MEIKIN: variants seen among roughly 807,000 people sequenced by gnomAD.
MEIKIN encodes the protein meiosis-specific kinetochore protein.
At chr5:131,828,460 G>A (rs1258805439) in intron 11 of MEIKIN, among the ~76,000 whole-genome samples, 1 of 152,026 alleles carries the variant, frequency 6.6e-6, no homozygotes, top group Non-Finnish European at 1.5e-5. Context: ...CACTGTGCCT[G>A]GCCTAATATA....
intron 11 of MEIKIN, among the ~76,000 whole-genome samples, chr5:131,819,337 C>A (rs1477994973): frequency 6.6e-6 from 1 of 150,972 alleles, no homozygotes; most frequent in Non-Finnish European, 1.5e-5. Flanking sequence ...CACGGTGGCT[C>A]ACGCCTGTAA....
chr5:131,935,411 G>A (rs1211517350), intron 4 of MEIKIN, among the ~76,000 whole-genome samples: 1 of 151,982 alleles, frequency 6.6e-6, no homozygotes, highest in East Asian at 1.9e-4. Context: ...CAGTCTTAAA[G>A]TCATTCCTAT....
intron 9 of MEIKIN, among the ~76,000 whole-genome samples, chr5:131,872,522 T>C (rs1274045976): frequency 1.3e-5 from 2 of 152,198 alleles, no homozygotes; most frequent in Non-Finnish European, 2.9e-5. Flanking sequence ...CAACATCTGA[T>C]TGGTGTACCT....
chr5:131,911,006 T>A lies in MEIKIN; in HGVS notation c.703+809A>T, dbSNP rs989150467. Reference sequence around the variant, plus strand: ...TAGTGCTCATCTGTTATTCACACATTCCCTTATTCTTTGATCTGTAAAACA... The same window carrying A: ...TAGTGCTCATCTGTTATTCACACATACCCTTATTCTTTGATCTGTAAAACA... On this transcript the variant is annotated intron_variant, in intron 8 of 12. Transcript: ENST00000442687. 1.5e-4 allele frequency among the ~76,000 whole-genome samples: 23 copies of A among 152,182 alleles called. No homozygotes were observed. In the East Asian group the frequency reaches 4.3e-3, roughly 28 times the overall value.
intron 9 of MEIKIN, among the ~76,000 whole-genome samples, chr5:131,878,306 G>A (rs981832289): frequency 6.6e-6 from 1 of 152,162 alleles, no homozygotes; most frequent in Non-Finnish European, 1.5e-5. Flanking sequence ...GGTGGCTCAC[G>A]CCTGTAATCC....
chr5:131,852,386 G>A (rs113157206), intron 10 of MEIKIN, among the ~76,000 whole-genome samples: 4 of 152,052 alleles, frequency 2.6e-5, no homozygotes, highest in Non-Finnish European at 4.4e-5. Flanking sequence ...CCAGCCATGC[G>A]GAACTGTGAG....
chr5:131,818,905 TA>T, intron 11 of MEIKIN, 42 bp from the exon 12 acceptor site: 1 of 395,346 alleles, frequency 2.5e-6, no homozygotes, highest in Non-Finnish European at 4.5e-6. Context: ...TTCCTCCAAA[TA>T]CTACATTTGT....
intron 11 of MEIKIN, 89 bp downstream of exon 11, chr5:131,851,175 G>T: frequency 2.5e-6 from 1 of 392,452 alleles, no homozygotes; most frequent in Non-Finnish European, 4.5e-6. Context: ...CATGAGTTAA[G>T]AGATTTCTTA....
chr5:131,864,899 G>T (rs1403799004), intron 9 of MEIKIN, among the ~76,000 whole-genome samples: 1 of 152,094 alleles, frequency 6.6e-6, no homozygotes, highest in Non-Finnish European at 1.5e-5. Flanking sequence ...TGAAGGCATT[G>T]CTCATTCTTG....
intron 4 of MEIKIN, among the ~76,000 whole-genome samples, chr5:131,937,286 G>A (rs1050621594): frequency 6.6e-6 from 1 of 152,130 alleles, no homozygotes; most frequent in African/African-American, 2.4e-5. Context: ...AAGAATTCTA[G>A]GTTAGTATAT....
At chr5:131,926,010 T>C (rs1580910325) in intron 5 of MEIKIN, among the ~76,000 whole-genome samples, 1 of 152,188 alleles carries the variant, frequency 6.6e-6, no homozygotes, top group East Asian at 1.9e-4. Context: ...TCATGTCATC[T>C]GCAAAAACAG....
chr5:131,809,820 A>AAC (rs1256247021), intron 12 of MEIKIN, among the ~76,000 whole-genome samples: 1 of 31,898 alleles, frequency 3.1e-5, no homozygotes, highest in Non-Finnish European at 2.9e-4. Flanking sequence ...ACAAACGAAC[A>AAC]AAAAAAAAAA....
chr5:131,830,560 A>T (rs1220013859), intron 11 of MEIKIN, among the ~76,000 whole-genome samples: 2 of 152,284 alleles, frequency 1.3e-5, no homozygotes, highest in African/African-American at 4.8e-5. Flanking sequence ...CAAGATTCTC[A>T]TCGTCCTTTT....
chr5:131,875,897 G>A (rs1198661343), intron 9 of MEIKIN, among the ~76,000 whole-genome samples: 1 of 152,112 alleles, frequency 6.6e-6, no homozygotes, highest in African/African-American at 2.4e-5. Context: ...AATGGGGAAA[G>A]GATTCGCTAT....
At chr5:131,834,889 AATG>A (rs1453381573) in intron 11 of MEIKIN, among the ~76,000 whole-genome samples, 1 of 151,730 alleles carries the variant, frequency 6.6e-6, no homozygotes, top group Non-Finnish European at 1.5e-5. Flanking sequence ...TTTCCATAAC[AATG>A]ATACCAATTT....
At chr5:131,871,144 T>G (rs11242098) in intron 9 of MEIKIN, among the ~76,000 whole-genome samples, 96,392 of 152,106 alleles carry the variant, frequency 0.63, 32,674 homozygotes, top group Non-Finnish European at 0.77. Context: ...GTGTGCCAGA[T>G]AGTGGGTGCC....
chr5:131,932,105 T>C (rs1580913382), intron 5 of MEIKIN, among the ~76,000 whole-genome samples: 1 of 152,258 alleles, frequency 6.6e-6, no homozygotes, highest in East Asian at 1.9e-4. Context: ...AGCAGAAGGT[T>C]CAAGTCTGGG....
rs532232699 is a variant in MEIKIN at position 131,839,428 on chromosome 5, A to C, written c.975+11836T>G. 3.3e-5 allele frequency among the ~76,000 whole-genome samples: 5 copies of C among 152,228 alleles called. No individual in the cohort carries two copies. The East Asian group carries it at 9.6e-4, about 29-fold the overall frequency. On this transcript the variant is annotated intron_variant, in intron 11 of 12. Transcript: ENST00000442687. ...TCTTTGTTAATTTTTTGCCTTGATG[A>C]TCTGTCTAATACTGTCAGTGGGGTG...
intron 12 of MEIKIN, among the ~76,000 whole-genome samples, chr5:131,812,089 G>A (rs1039676420): frequency 6.6e-6 from 1 of 152,162 alleles, no homozygotes; most frequent in East Asian, 1.9e-4. Flanking sequence ...ATCCACTATC[G>A]TGATTTCCAT....
Sources: allele counts gnomAD v4.1 joint callset (sites outside exome capture counted in the v4.1 genomes callset), GRCh38; gene constraint gnomAD v4.1.1; transcripts MANE v1.5; gene names NCBI Gene and HGNC (gene_info 2026-07-23, HGNC 2026-07-21).